The following TMEM170A variants were observed in gnomAD, a reference collection of about 807,000 sequenced individuals.
TMEM170A encodes transmembrane protein 170.
TMEM170A carries 18 observed loss-of-function variants against 12.8 expected under a neutral mutation model. The ratio of observed to expected loss-of-function variants is 1.41; its 90% confidence interval spans 0.97 to 2.09. The LOEUF is 2.09. Ranked by LOEUF, TMEM170A falls within the 30% of genes most tolerant of loss-of-function variation. The pLI is 0.00. For synonymous variants in TMEM170A, 107 were observed against 76.2 expected, an observed-to-expected ratio of 1.40 and a Z score of -2.11; for missense variants, 220 against 179.9, an observed-to-expected ratio of 1.22 and a Z score of -1.28.
chr16:75,454,350 A>G (rs1221602126), intron 1 of TMEM170A, among the ~76,000 whole-genome samples: 1 of 152,130 alleles, frequency 6.6e-6, no homozygotes, highest in African/African-American at 2.4e-5. Context: ...CGGGCGTGGT[A>G]GCTCACACCT....
At chr16:75,447,781 A>C in intron 2 of TMEM170A, 93 bp from the exon 3 acceptor site, 1 of 1,355,642 alleles carries the variant, frequency 7.4e-7, no homozygotes. Context: ...CTGCGAGTAG[A>C]ATGTTCCAGA....
In TMEM170A at chr16:75,464,634, G is replaced by A. The variant is rs372969453; in HGVS notation, c.-34C>T. On this transcript the variant is annotated 5_prime_UTR_variant, in exon 1 of 3. Coordinates refer to ENST00000561878, the MANE Select transcript of TMEM170A (RefSeq NM_145254.3). ...CATTCACCACAGAGAAATGAGGGACGAGCGCCCGAAGTGCGGTAGCGGCCG... is the reference window on the plus strand; with the variant it reads ...CATTCACCACAGAGAAATGAGGGACAAGCGCCCGAAGTGCGGTAGCGGCCG... 428 of 1,556,092 alleles carry A rather than the reference G, an allele frequency of 2.8e-4. No individual in the cohort carries two copies. Among genetic ancestry groups the A allele is most frequent in the Non-Finnish European group, 3.6e-4 (415 of 1,156,604 alleles).
chr16:75,449,724 C>A (rs2079649184), intron 2 of TMEM170A, among the ~76,000 whole-genome samples: 1 of 152,070 alleles, frequency 6.6e-6, no homozygotes, highest in East Asian at 1.9e-4. Context: ...TTTAAAATGC[C>A]CAGCTCCACT....
intron 1 of TMEM170A, among the ~76,000 whole-genome samples, chr16:75,463,053 G>GA (rs1214288525): frequency 6.6e-6 from 1 of 152,040 alleles, no homozygotes; most frequent in East Asian, 1.9e-4. Context: ...TATATATAGA[G>GA]AGAGAGAAAG....
chr16:75,460,332 A>T (rs1335246367), intron 1 of TMEM170A, among the ~76,000 whole-genome samples: 1 of 152,194 alleles, frequency 6.6e-6, no homozygotes, highest in Non-Finnish European at 1.5e-5. Flanking sequence ...TTTTTTAAAA[A>T]GTCAGAATCA....
chr16:75,455,909 G>A lies in TMEM170A; in HGVS notation c.134-4070C>T, dbSNP rs1038911947. Among the ~76,000 whole-genome samples the A allele has an allele frequency of 1.1e-4, 17 of 152,346 alleles. No homozygotes were observed. In the South Asian group the frequency reaches 1.4e-3, roughly 13 times the overall value. On this transcript the variant is annotated intron_variant, in intron 1 of 2. Coordinates refer to ENST00000561878, the MANE Select transcript of TMEM170A (RefSeq NM_145254.3). ...TCAATCCGCTTGAGGGGATTAGAAAGGGGGAGGAGAGGAGGACCAGAAGCT... is the reference window on the plus strand; with the variant it reads ...TCAATCCGCTTGAGGGGATTAGAAAAGGGGAGGAGAGGAGGACCAGAAGCT...
intron 2 of TMEM170A, among the ~76,000 whole-genome samples, chr16:75,450,217 T>G (rs1283682073): frequency 6.9e-6 from 1 of 145,602 alleles, no homozygotes; most frequent in Non-Finnish European, 1.5e-5. Context: ...GTCAAAGACA[T>G]AGAGGGCGAT....
intron 2 of TMEM170A, among the ~76,000 whole-genome samples, chr16:75,448,944 C>T (rs577007813): frequency 7.9e-5 from 12 of 151,846 alleles, no homozygotes; most frequent in African/African-American, 2.9e-4. Flanking sequence ...GCCTGTAATC[C>T]TAGTTGCTTG....
intron 1 of TMEM170A, among the ~76,000 whole-genome samples, chr16:75,455,005 G>A (rs2079762650): frequency 6.6e-6 from 1 of 152,160 alleles, no homozygotes; most frequent in Non-Finnish European, 1.5e-5. Flanking sequence ...GGCTATCACT[G>A]CAGAATTTGG....
At chr16:75,449,269 A>G (rs752510570) in intron 2 of TMEM170A, among the ~76,000 whole-genome samples, 1 of 152,086 alleles carries the variant, frequency 6.6e-6, no homozygotes, top group South Asian at 2.1e-4. Context: ...AGCTGGGGAC[A>G]CAAGACAGAA....
At chr16:75,449,260 G>C (rs2079637985) in intron 2 of TMEM170A, among the ~76,000 whole-genome samples, 1 of 152,094 alleles carries the variant, frequency 6.6e-6, no homozygotes, top group East Asian at 1.9e-4. Context: ...TTGGAATCTA[G>C]CTGGGGACAC....
chr16:75,463,078 G>C (rs1192014959), intron 1 of TMEM170A, among the ~76,000 whole-genome samples: 4 of 152,092 alleles, frequency 2.6e-5, no homozygotes, highest in African/African-American at 9.7e-5. Flanking sequence ...CAGAGAGAGA[G>C]AAAGAGAAAC....
chr16:75,448,217 G>A (rs1470706895), intron 2 of TMEM170A, among the ~76,000 whole-genome samples: 1 of 152,186 alleles, frequency 6.6e-6, no homozygotes, highest in African/African-American at 2.4e-5. Context: ...GGGGTGAAAA[G>A]GGAAGACAGG....
chr16:75,460,310 T>C (rs1356644947), intron 1 of TMEM170A, among the ~76,000 whole-genome samples: 1 of 152,088 alleles, frequency 6.6e-6, no homozygotes, highest in Non-Finnish European at 1.5e-5. Flanking sequence ...TAAAAACCAC[T>C]GGATTGTACA....
At chr16:75,448,191 C>T (rs1022275057) in intron 2 of TMEM170A, among the ~76,000 whole-genome samples, 1 of 152,060 alleles carries the variant, frequency 6.6e-6, no homozygotes, top group Non-Finnish European at 1.5e-5. Context: ...AAGAAATGGA[C>T]GGAGGAGGGA....
intron 1 of TMEM170A, among the ~76,000 whole-genome samples, chr16:75,461,095 C>G (rs1253180235): frequency 6.6e-6 from 1 of 152,092 alleles, no homozygotes; most frequent in African/African-American, 2.4e-5. Flanking sequence ...GCTCTGTGGC[C>G]CAGGCTGGAG....
Position 75,451,683 on chromosome 16 carries a change from G to A in TMEM170A, c.290C>T (p.Ala97Val). ...LLMGIVGPIT[A>V]GILTSAAIAG... Reference sequence around the variant, plus strand: ...GTCTAACATACTTGTCAAGATTCCAGCAGTAATTGGTCCCACGATGCCCAT... The same window carrying A: ...GTCTAACATACTTGTCAAGATTCCAACAGTAATTGGTCCCACGATGCCCAT... Residue 97 changes from alanine to valine, a missense_variant, in exon 2 of 3, where the codon GCT becomes GTT. Physicochemically the swap from Ala to Val is moderately conservative, Grantham distance 64. Coordinates refer to ENST00000561878, the MANE Select transcript of TMEM170A (RefSeq NM_145254.3). 1.2e-6 allele frequency: 2 copies of A among 1,614,188 alleles called. No homozygotes were observed. Among genetic ancestry groups the A allele is most frequent in the Non-Finnish European group, 1.7e-6 (2 of 1,180,036 alleles).
chr16:75,443,418 A>C lies in TMEM170A; in HGVS notation c.*4140T>G, dbSNP rs2079533300. The C allele has an allele frequency of 6.6e-6, 1 of 152,202 alleles. No individual in the cohort carries two copies. The highest frequency in any genetic ancestry group is 1.5e-5 in the Non-Finnish European group (1 of 68,038). The allele number at this position is 152,202 out of a possible 1,614,324, so 9.4% of individuals were successfully genotyped here. On this transcript the variant is annotated 3_prime_UTR_variant, in exon 3 of 3. Coordinates refer to ENST00000561878, the MANE Select transcript of TMEM170A (RefSeq NM_145254.3). Reference sequence around the variant, plus strand: ...ATCTGAGTCACAACCAGCCTTATAGAGTGCACAAAAAAGAAATGCAAGTAC... The same window carrying C: ...ATCTGAGTCACAACCAGCCTTATAGCGTGCACAAAAAAGAAATGCAAGTAC...
intron 1 of TMEM170A, among the ~76,000 whole-genome samples, chr16:75,460,600 T>C (rs2079885978): frequency 6.6e-6 from 1 of 152,144 alleles, no homozygotes; most frequent in African/African-American, 2.4e-5. Flanking sequence ...TCCCCATCAC[T>C]TTACAGCAAA....
Sources: gnomAD v4.1 joint callset for allele counts (sites outside exome capture counted in the v4.1 genomes callset) on GRCh38, gnomAD v4.1.1 for gene constraint, MANE v1.5 for transcripts, NCBI Gene and HGNC (gene_info 2026-07-23, HGNC 2026-07-21) for gene names.